The following KIF21B variants were observed in gnomAD, a reference collection of about 807,000 sequenced individuals.
KIF21B encodes kinesin family member 21B, also known as kinesin-like protein KIF21B.
A neutral mutation model predicts 192.9 loss-of-function variants in KIF21B; 85 were observed. The ratio of observed to expected loss-of-function variants is 0.44; its 90% confidence interval spans 0.37 to 0.53. The LOEUF is 0.53. KIF21B is among the 20% of genes least tolerant of loss of function. KIF21B has a pLI of 0.00. For synonymous variants in KIF21B, 832 were observed against 884.6 expected, an observed-to-expected ratio of 0.94 and a Z score of 1.05; for missense variants, 1,716 against 2,194.8, an observed-to-expected ratio of 0.78 and a Z score of 4.36.
In KIF21B at chr1:200,971,276, G is replaced by A. The variant is rs1423576896; in HGVS notation, c.*2245C>T. The A allele has an allele frequency of 6.6e-6, 1 of 152,652 alleles. No individual in the cohort carries two copies. Among genetic ancestry groups the A allele is most frequent in the African/African-American group, 2.4e-5 (1 of 41,468 alleles). The allele number at this position is 152,652 out of a possible 1,614,324, so 9.5% of individuals were successfully genotyped here. ...CAAGTTTAGAGAGTCAATGACACTTGCCAGGACAGCAGAGCTGGCCCCGCC... is the reference window on the plus strand; with the variant it reads ...CAAGTTTAGAGAGTCAATGACACTTACCAGGACAGCAGAGCTGGCCCCGCC... On this transcript the variant is annotated 3_prime_UTR_variant, in exon 35 of 35. Transcript: ENST00000461742.
intron 1 of KIF21B, among the ~76,000 whole-genome samples, chr1:201,022,076 G>A (rs111542155): frequency 1.3e-5 from 2 of 152,324 alleles, no homozygotes; most frequent in African/African-American, 4.8e-5. Context: ...ATGGGTGGGG[G>A]TGCCTCAATC....
chr1:200,982,339 A>G lies in KIF21B; in HGVS notation c.3842+717T>C, dbSNP rs561608649. Among the ~76,000 whole-genome samples the G allele has an allele frequency of 9.1e-4, 139 of 152,288 alleles. No individual in the cohort carries two copies. The highest frequency in any genetic ancestry group is 6.8e-3 in the Middle Eastern group (2 of 294). On this transcript the variant is annotated intron_variant, in intron 28 of 34. Transcript: ENST00000461742. This position sits in a 1 kb window ranked among gnomAD's most constrained non-coding sequence, Gnocchi z 4.7. ...GTCGACACTCAGGGCTGGAGGCTCG[A>G]GGAGCTGAGACAGCCCACCAGGAGA...
At chr1:200,978,199 G>A (rs927121339) in intron 30 of KIF21B, among the ~76,000 whole-genome samples, 3 of 151,602 alleles carry the variant, frequency 2.0e-5, no homozygotes, top group African/African-American at 7.3e-5. Context: ...ACAGGCATGC[G>A]CCACCATGCC....
At chr1:200,987,276 A>ATTT in intron 24 of KIF21B, 75 bp from the exon 25 acceptor site, 23 of 1,088,076 alleles carry the variant, frequency 2.1e-5, no homozygotes, top group Non-Finnish European at 2.8e-5. Context: ...GGGAAATTCT[A>ATTT]TTTTTTTTTT....
intron 8 of KIF21B, 72 bp from the exon 9 acceptor site, chr1:201,002,422 C>CCCCTCCCT: frequency 7.2e-7 from 1 of 1,382,930 alleles, no homozygotes; most frequent in Non-Finnish European, 1.0e-6. Flanking sequence ...GCTGATGATG[C>CCCCTCCCT]CCCTCCCTCT....
At position 200,973,717 on chromosome 1, in the gene KIF21B, G is replaced by A. The variant is rs111418310; in HGVS notation, c.4815-139C>T. On this transcript the variant is annotated intron_variant, in intron 34 of 34. Transcript: ENST00000461742. ...GGGCTGGGAGGCAAGCATGGCTTAC[G>A]GGGAGGTGGACTGCAGGTGGTGGGG... The A allele has an allele frequency of 4.0e-4, 595 of 1,484,876 alleles. 2 individuals carry two copies. In the African/African-American group the frequency reaches 7.6e-3, roughly 19 times the overall value. 92.0% of individuals were successfully genotyped at this position (1,484,876 alleles called of 1,614,324 possible). A position where few individuals can be genotyped will look rare whatever the true frequency, so the allele number is the denominator to read the frequency against.
intron 1 of KIF21B, among the ~76,000 whole-genome samples, chr1:201,012,138 A>G (rs879629300): frequency 1.3e-5 from 2 of 152,184 alleles, no homozygotes; most frequent in Non-Finnish European, 2.9e-5. Context: ...TTTTGGCCCA[A>G]CACATCCTGA....
chr1:201,007,325 C>T (rs1440335779), intron 3 of KIF21B, among the ~76,000 whole-genome samples: 1 of 83,336 alleles, frequency 1.2e-5, no homozygotes, highest in African/African-American at 8.0e-5. Flanking sequence ...CAGAGACACA[C>T]AGACACACAC....
At chr1:201,008,731 C>T (rs1345232840) in intron 3 of KIF21B, 38 bp downstream of exon 3, 3 of 1,540,732 alleles carry the variant, frequency 1.9e-6, no homozygotes, top group African/African-American at 1.4e-5. Context: ...TGTTGTCCAC[C>T]AAGCCTCCCA....
intron 1 of KIF21B, among the ~76,000 whole-genome samples, chr1:201,022,741 C>A (rs1265824720): frequency 3.3e-5 from 5 of 152,226 alleles, no homozygotes; most frequent in African/African-American, 1.2e-4. Context: ...TCAGATACAC[C>A]TCTTCCTCCC....
chr1:201,009,624 G>T, intron 1 of KIF21B, 136 bp from the exon 2 acceptor site: 1 of 718,772 alleles, frequency 1.4e-6, no homozygotes, highest in Non-Finnish European at 2.3e-6. Context: ...GGTGACCCCA[G>T]AGGACATGGG....
Position 201,001,797 on chromosome 1 carries a change from AT to A in KIF21B, c.1402+363del, listed in dbSNP as rs1252032224. On this transcript the variant is annotated intron_variant, in intron 9 of 34. Transcript: ENST00000461742. ...ATCATACACACATTTAAGAATGTAT[AT>A]GAATACATATTCATACTTGAAACAA... 3.7e-5 allele frequency: 10 copies of A among 273,298 alleles called. No homozygotes were observed. The Admixed American group carries it at 4.6e-4, about 12-fold the overall frequency. The allele number at this position is 273,298 out of a possible 1,614,324, so 16.9% of individuals were successfully genotyped here. A position where few individuals can be genotyped will look rare whatever the true frequency, so the allele number is the denominator to read the frequency against.
intron 28 of KIF21B, 56 bp from the exon 29 acceptor site, chr1:200,981,152 G>A (rs2102386538): frequency 6.5e-7 from 1 of 1,540,844 alleles, no homozygotes; most frequent in South Asian, 1.2e-5. Flanking sequence ...ACTGTGGCCA[G>A]GCTGATCAAG....
At chr1:201,005,055 C>A in intron 5 of KIF21B, 122 bp from the exon 6 acceptor site, 1 of 1,152,886 alleles carries the variant, frequency 8.7e-7, no homozygotes, top group Non-Finnish European at 1.2e-6. Context: ...TTCGCACATG[C>A]AGAGCATCTG....
intron 7 of KIF21B, 84 bp from the exon 8 acceptor site, chr1:201,003,865 C>T: frequency 7.3e-7 from 1 of 1,375,060 alleles, no homozygotes; most frequent in Non-Finnish European, 1.0e-6. Context: ...GTCCTGCTCC[C>T]ATCCCATTCC....
At position 200,984,843 on chromosome 1, in the gene KIF21B, C is replaced by T. The variant is rs570989371; in HGVS notation, c.3803+16G>A. On this transcript the variant is annotated intron_variant, in intron 27 of 34. Coordinates refer to ENST00000461742, the MANE Select transcript of KIF21B (RefSeq NM_001252102.2). Reference sequence around the variant, plus strand: ...ACCTCAGTGCCCTCCCCCACTTGCCCTCCAGCCCTGCTTACTTGTCCAGCG... The same window carrying T: ...ACCTCAGTGCCCTCCCCCACTTGCCTTCCAGCCCTGCTTACTTGTCCAGCG... 3.7e-5 allele frequency: 57 copies of T among 1,534,722 alleles called. 1 individual carries two copies. The South Asian group carries it at 6.7e-4, about 18-fold the overall frequency.
intron 17 of KIF21B, among the ~76,000 whole-genome samples, chr1:200,991,427 G>T (rs895704509): frequency 8.5e-5 from 13 of 152,264 alleles, no homozygotes; most frequent in Non-Finnish European, 1.0e-4. Flanking sequence ...CTTCTAATAG[G>T]TTGGACACAA....
intron 2 of KIF21B, 49 bp from the exon 3 acceptor site, chr1:201,009,000 C>T (rs1658078560): frequency 1.9e-6 from 3 of 1,550,116 alleles, no homozygotes. Flanking sequence ...TTTGGGGGCA[C>T]CAGCAAGCCC....
intron 15 of KIF21B, among the ~76,000 whole-genome samples, 194 bp downstream of exon 15, chr1:200,996,002 G>T (rs7531978): frequency 0.59 from 89,105 of 152,016 alleles, 27,957 homozygotes; most frequent in African/African-American, 0.82. Context: ...ACTGGGCAGG[G>T]TGTTTCACCT....
Sources: allele counts gnomAD v4.1 joint callset (sites outside exome capture counted in the v4.1 genomes callset), GRCh38; gene constraint gnomAD v4.1.1; non-coding constraint Gnocchi (gnomAD v3.1); transcripts MANE v1.5; gene names NCBI Gene and HGNC (gene_info 2026-07-23, HGNC 2026-07-21).